DLST: variants seen among roughly 807,000 people sequenced by gnomAD.
DLST encodes the protein dihydrolipoyllysine-residue succinyltransferase component of 2-oxoglutarate dehydrogenase complex, mitochondrial.
DLST carries 17 observed loss-of-function variants against 53.1 expected under a neutral mutation model. The observed-to-expected ratio is 0.32, with a 90% CI of 0.22 to 0.48. The LOEUF (loss-of-function observed/expected upper bound fraction) is 0.48. DLST is among the 20% of genes least tolerant of loss of function. The pLI is 0.99. For missense variants in DLST, 512 were observed against 583.9 expected (o/e 0.88, Z 1.27); for synonymous variants, 206 against 204.8 (o/e 1.01, Z -0.05).
At chr14:74,898,590 A>G in intron 11 of DLST, 91 bp downstream of exon 11, 1 of 1,461,212 alleles carries the variant, frequency 6.8e-7, no homozygotes, top group Non-Finnish European at 9.2e-7. Context: ...CAACAGACCA[A>G]GGCTTTTTAT....
At position 74,900,387 on chromosome 14, in the gene DLST, T is replaced by C; in HGVS notation, c.1059+15T>C. ...TGGGAGAGAAGGTAAAGTAGAAAGATGTATACAAGCTGCTAAGCAGGCGAG... is the reference window on the plus strand; with the variant it reads ...TGGGAGAGAAGGTAAAGTAGAAAGACGTATACAAGCTGCTAAGCAGGCGAG... On this transcript the variant is annotated intron_variant, in intron 13 of 14. Coordinates refer to ENST00000334220, the MANE Select transcript of DLST (RefSeq NM_001933.5). The C allele has an allele frequency of 6.2e-7, 1 of 1,610,894 alleles. No homozygotes were observed. The highest frequency in any genetic ancestry group is 8.5e-7 in the Non-Finnish European group (1 of 1,177,280).
chr14:74,889,550 T>A (rs774140820), intron 5 of DLST: 4 of 558,548 alleles, frequency 7.2e-6, no homozygotes, highest in African/African-American at 1.9e-5. Context: ...TTTGTATTTT[T>A]AGTAGAGACA....
chr14:74,884,221 T>C (rs1424218349), intron 2 of DLST, among the ~76,000 whole-genome samples: 1 of 152,208 alleles, frequency 6.6e-6, no homozygotes, highest in Non-Finnish European at 1.5e-5. Flanking sequence ...GCAGGAAAGA[T>C]AGAGTGGGCT....
Position 74,894,230 on chromosome 14 carries a change from A to G in DLST, c.673-82A>G. The G allele has an allele frequency of 2.6e-6, 4 of 1,534,072 alleles. No homozygotes were observed. In the Admixed American group the frequency reaches 7.2e-5, roughly 28 times the overall value. ...AGTCCTTGGCCATCTACTCGTGGCA[A>G]GCCGTGTTCTTTCTGACTACACGGG... is the stretch of plus-strand genomic sequence containing the variant. On this transcript the variant is annotated intron_variant, in intron 9 of 14. Transcript: ENST00000334220.
intron 10 of DLST, among the ~76,000 whole-genome samples, chr14:74,897,688 C>T (rs1884113452): frequency 2.6e-5 from 4 of 152,132 alleles, no homozygotes; most frequent in Admixed American, 2.0e-4. Flanking sequence ...TGGCCCTGAC[C>T]CTCACATGTA....
chr14:74,890,253 T>C (rs865941734), intron 6 of DLST, among the ~76,000 whole-genome samples: 51 of 148,894 alleles, frequency 3.4e-4, no homozygotes, highest in Non-Finnish European at 3.7e-4. Flanking sequence ...TCAGCCTCCC[T>C]AGTATCTGGG....
intron 9 of DLST, among the ~76,000 whole-genome samples, chr14:74,893,835 A>T (rs1005514644): frequency 3.3e-5 from 5 of 152,228 alleles, no homozygotes; most frequent in African/African-American, 1.2e-4. Flanking sequence ...TCAGGTGCAG[A>T]CATAAAGCCT....
At chr14:74,901,038 A>G in intron 13 of DLST, 28 bp from the exon 14 acceptor site, 1 of 1,611,054 alleles carries the variant, frequency 6.2e-7, no homozygotes, top group Non-Finnish European at 8.5e-7. Context: ...GGTTGGCTTG[A>G]TATTTCAATT....
chr14:74,896,622 C>G (rs1884084568), intron 10 of DLST, among the ~76,000 whole-genome samples: 1 of 152,178 alleles, frequency 6.6e-6, no homozygotes, highest in Non-Finnish European at 1.5e-5. Flanking sequence ...TCCGAAGAGA[C>G]TGGATGACAT....
At chr14:74,882,076 C>A (rs968054649) in intron 1 of DLST, 60 bp downstream of exon 1, 3 of 1,410,626 alleles carry the variant, frequency 2.1e-6, no homozygotes, top group Admixed American at 2.7e-5. Context: ...GGCAGAGAGG[C>A]GGCCTGGAAG....
At chr14:74,895,298 G>A (rs1884042419) in intron 10 of DLST, among the ~76,000 whole-genome samples, 1 of 152,184 alleles carries the variant, frequency 6.6e-6, no homozygotes, top group South Asian at 2.1e-4. Context: ...TTAACCAAAG[G>A]TACTAATTCA....
At position 74,898,476 on chromosome 14, in the gene DLST, A is replaced by G. The variant is rs751265050; in HGVS notation, c.878A>G (p.Gln293Arg). 4 of 1,614,164 alleles carry G rather than the reference A, an allele frequency of 2.5e-6. No individual in the cohort carries two copies. The South Asian group carries it at 4.4e-5, about 18-fold the overall frequency. Reference protein sequence around the residue: ...AFVKASAFALQEQPVVNAVID... With the variant: ...AFVKASAFALREQPVVNAVID... ...GTGAAGGCCTCAGCCTTTGCCTTGC[A>G]GGAACAGCCTGTTGTAAATGCAGGT... Residue 293 changes from glutamine (Q) to arginine (R), a missense_variant, in exon 11 of 15, where the codon CAG (glutamine) becomes CGG (arginine). Around this residue, in one of 4 missense-constraint regions of DLST, gnomAD observed 186 missense variants for 260.4 expected, o/e 0.71. Transcript: ENST00000334220.
intron 10 of DLST, among the ~76,000 whole-genome samples, chr14:74,895,852 C>T (rs544695569): frequency 7.3e-4 from 110 of 151,406 alleles, no homozygotes; most frequent in Middle Eastern, 3.5e-3. Context: ...GCTGATATCG[C>T]GCCACTGCAC....
rs1884276453 is a variant in DLST, at chr14:74,902,198, A to G, written c.1230A>G (p.Val410=). The stretch of plus-strand genomic sequence containing the variant: ...CTATTTACCTTTCCTCTCTGTAGGT[A>G]GAGGTGCGGCCCATGATGTACGTGG... ...FDRPVAIGGK[V]EVRPMMYVAL... Residue 410 remains valine (V), a splice_region_variant and synonymous_variant, in exon 15 of 15, where the codon GTA becomes GTG. Transcript: ENST00000334220. 2 of 1,586,182 alleles carry G rather than the reference A, an allele frequency of 1.3e-6. No individual in the cohort carries two copies. The highest frequency in any genetic ancestry group is 1.7e-6 in the Non-Finnish European group (2 of 1,162,990).
At chr14:74,885,909 T>C (rs1474969028) in intron 3 of DLST, 2 of 352,650 alleles carry the variant, frequency 5.7e-6, no homozygotes, top group African/African-American at 4.3e-5. Flanking sequence ...TTTTATGGGA[T>C]ATAGAAGGGT....
rs531814831 is a variant in DLST at position 74,890,782 on chromosome 14, G to C, written c.331-274G>C. On this transcript the variant is annotated intron_variant, in intron 6 of 14. Coordinates refer to ENST00000334220, the MANE Select transcript of DLST (RefSeq NM_001933.5). The stretch of plus-strand genomic sequence containing the variant: ...GGCTGGAGTGCAGTGGCACGATATC[G>C]GCTCCACCTGCCAGGTTCAAGCGAT... 3.9e-5 allele frequency among the ~76,000 whole-genome samples: 6 copies of C among 152,174 alleles called. No homozygotes were observed. In the East Asian group the frequency reaches 9.7e-4, roughly 25 times the overall value.
chr14:74,895,474 C>T (rs1164438217), intron 10 of DLST, among the ~76,000 whole-genome samples: 1 of 152,212 alleles, frequency 6.6e-6, no homozygotes, highest in South Asian at 2.1e-4. Flanking sequence ...TGGGGATAGA[C>T]GCTGGGCACC....
chr14:74,895,792 C>G (rs1884059345), intron 10 of DLST, among the ~76,000 whole-genome samples: 1 of 152,070 alleles, frequency 6.6e-6, no homozygotes, highest in South Asian at 2.1e-4. Flanking sequence ...CCCAGCTACT[C>G]GGAAGGCTGA....
In DLST at chr14:74,901,074, G is replaced by A; in HGVS notation, c.1068G>A (p.Lys356=). Residue 356 remains lysine (K), a synonymous_variant, in exon 14 of 15, where the codon AAG becomes AAA. Coordinates refer to ENST00000334220, the MANE Select transcript of DLST (RefSeq NM_001933.5). ...ATGAAATCTGTTTTTAGGCCCGAAA[G>A]AATGAACTTGCCATTGAAGATATGG... ...TITELGEKAR[K]NELAIEDMDG... is the part of the protein sequence containing the mutation. 6.2e-7 allele frequency: 1 copy of A among 1,613,154 alleles called. No individual in the cohort carries two copies. Among genetic ancestry groups the A allele is most frequent in the South Asian group, 1.1e-5 (1 of 90,800 alleles).
Sources: gnomAD v4.1 joint callset for allele counts (sites outside exome capture counted in the v4.1 genomes callset) on GRCh38, gnomAD v4.1.1 for gene constraint, gnomAD v4.1.1 regional missense constraint, MANE v1.5 for transcripts, NCBI Gene and HGNC (gene_info 2026-07-23, HGNC 2026-07-21) for gene names.